Variants in ENTPD1 observed in about 807,000 individuals in gnomAD.
ENTPD1 encodes ATP diphosphohydrolase.
Under a neutral mutation model 57.0 loss-of-function variants are expected in ENTPD1, and 33 were observed. That is an observed-to-expected ratio of 0.58 (90% CI 0.44 to 0.77). The LOEUF is 0.77. Among genes scored for constraint, ENTPD1 ranks in the 30% least tolerant of loss-of-function variants. The pLI is 0.00. For synonymous variants in ENTPD1, 202 were observed against 218.8 expected, an observed-to-expected ratio of 0.92 and a Z score of 0.68; for missense variants, 501 against 603.4, an observed-to-expected ratio of 0.83 and a Z score of 1.78.
intron 1 of ENTPD1, chr10:95,756,459 G>A (rs2098024919): frequency 1.6e-6 from 1 of 629,438 alleles, no homozygotes; most frequent in African/African-American, 1.8e-5. Flanking sequence ...GCAGTCAAGG[G>A]TGGCTCTAGA....
chr10:95,825,301 A>G (rs2098370589), intron 2 of ENTPD1, among the ~76,000 whole-genome samples: 1 of 152,214 alleles, frequency 6.6e-6, no homozygotes, highest in Non-Finnish European at 1.5e-5. Flanking sequence ...ATAACTCTGA[A>G]GTCATTCAAA....
intron 2 of ENTPD1, among the ~76,000 whole-genome samples, chr10:95,826,884 G>A: frequency 6.6e-6 from 1 of 152,162 alleles, no homozygotes; most frequent in East Asian, 1.9e-4. Context: ...AATGTGGAAG[G>A]AGGGGGAGCC....
At chr10:95,760,350 C>CAA (rs2098051766) in intron 1 of ENTPD1, among the ~76,000 whole-genome samples, 1 of 152,204 alleles carries the variant, frequency 6.6e-6, no homozygotes, top group Non-Finnish European at 1.5e-5. Flanking sequence ...AAGATCTTTT[C>CAA]TCTCTTTTAC....
Position 95,869,211 on chromosome 10 carries a change from G to A in ENTPD1, c.*2828G>A. The A allele has an allele frequency of 3.1e-6, 3 of 959,964 alleles. No homozygotes were observed. The highest frequency in any genetic ancestry group is 3.7e-6 in the Non-Finnish European group (3 of 809,640). 59.5% of individuals were successfully genotyped at this position (959,964 alleles called of 1,614,324 possible). On this transcript the variant is annotated 3_prime_UTR_variant, in exon 10 of 10. Transcript: ENST00000371205. ...GGAGTTTTTTTTCTATGAACCTATA[G>A]GGGAGAAAAAAGATCAGCAGAAGTC...
chr10:95,756,001 A>G (rs997984328), upstream of ENTPD1: 34 of 1,464,440 alleles, frequency 2.3e-5, no homozygotes, highest in Middle Eastern at 5.0e-4. Context: ...GGCTTCGAGT[A>G]ACTTTAGGAA....
At chr10:95,697,902 C>G in the ENTPD1 span, among the ~76,000 whole-genome samples, 3 of 152,150 alleles carry the variant, frequency 2.0e-5, no homozygotes, top group African/African-American at 7.2e-5. Flanking sequence ...AATGGGGAAG[C>G]AGCTTTGGAA....
chr10:95,868,760 T>C lies in ENTPD1; in HGVS notation c.*2377T>C, dbSNP rs2098477117. On this transcript the variant is annotated 3_prime_UTR_variant, in exon 10 of 10. Transcript: ENST00000371205. ...TTTCTAAACACTTTCCCTCAGCAAG[T>C]TGGAATTAGACTTCACAAGTCTCCT... 1.0e-5 allele frequency: 10 copies of C among 985,432 alleles called. No individual in the cohort carries two copies. The highest frequency in any genetic ancestry group is 8.4e-6 in the Non-Finnish European group (7 of 829,934). The allele number at this position is 985,432 out of a possible 1,614,324, so 61.0% of individuals were successfully genotyped here. A position where few individuals can be genotyped will look rare whatever the true frequency, so the allele number is the denominator to read the frequency against.
intron 1 of ENTPD1, among the ~76,000 whole-genome samples, chr10:95,717,689 ACC>A (rs2097973059): frequency 6.6e-6 from 1 of 151,930 alleles, no homozygotes. Flanking sequence ...GTCTCTCAGT[ACC>A]CCCTCTCAAC....
chr10:95,844,743 G>A, intron 5 of ENTPD1, 108 bp downstream of exon 5: 3 of 1,223,492 alleles, frequency 2.5e-6, no homozygotes, highest in Non-Finnish European at 3.6e-6. Flanking sequence ...AATGATAGAT[G>A]GATGGATGGA....
At chr10:95,712,906 C>T (rs539457892) in intron 1 of ENTPD1, among the ~76,000 whole-genome samples, 12 of 152,150 alleles carry the variant, frequency 7.9e-5, no homozygotes, top group African/African-American at 2.7e-4. Context: ...TGGTGGCGGA[C>T]GCCTGTAGTC....
intron 2 of ENTPD1, among the ~76,000 whole-genome samples, chr10:95,829,552 A>G (rs1366501868): frequency 6.6e-6 from 1 of 152,252 alleles, no homozygotes; most frequent in Non-Finnish European, 1.5e-5. Flanking sequence ...AAATGGTCAC[A>G]AGAGGTATCT....
chr10:95,791,644 T>C lies in ENTPD1; in HGVS notation c.17-31593T>C, dbSNP rs1264386961. 6.6e-6 allele frequency among the ~76,000 whole-genome samples: 1 copy of C among 152,204 alleles called. No individual in the cohort carries two copies. The highest frequency in any genetic ancestry group is 1.5e-5 in the Non-Finnish European group (1 of 68,030). Reference sequence around the variant, plus strand: ...TTACTGCAGAGGGTAAATACCCATCTTTTAAACAGGATTACCACTTGGAAG... The same window carrying C: ...TTACTGCAGAGGGTAAATACCCATCCTTTAAACAGGATTACCACTTGGAAG... On this transcript the variant is annotated intron_variant, in intron 1 of 9. Coordinates refer to ENST00000371205, the MANE Select transcript of ENTPD1 (RefSeq NM_001776.6). The surrounding 1 kb of genome is among the most constrained non-coding windows in gnomAD (Gnocchi z 4.1).
At position 95,847,304 on chromosome 10, in the gene ENTPD1, G is replaced by T. The variant is rs189606772; in HGVS notation, c.814-142G>T. 5 of 945,294 alleles carry T rather than the reference G, an allele frequency of 5.3e-6. No homozygotes were observed. The African/African-American group carries it at 6.4e-5, about 12-fold the overall frequency. 58.6% of individuals were successfully genotyped at this position (945,294 alleles called of 1,614,324 possible). ...CCATTTTTCATATTTATTCCTAAGGGTAAAAAGGCAGGGCAGGACATATTG... is the reference window on the plus strand; with the variant it reads ...CCATTTTTCATATTTATTCCTAAGGTTAAAAAGGCAGGGCAGGACATATTG... On this transcript the variant is annotated intron_variant, in intron 6 of 9. Coordinates refer to ENST00000371205, the MANE Select transcript of ENTPD1 (RefSeq NM_001776.6).
At chr10:95,767,174 G>A (rs998253064) in intron 1 of ENTPD1, among the ~76,000 whole-genome samples, 35 of 151,478 alleles carry the variant, frequency 2.3e-4, no homozygotes, top group Non-Finnish European at 4.6e-4. Flanking sequence ...AAATTAGCCG[G>A]GCGTGGTGGT....
At chr10:95,694,734 C>T in the ENTPD1 span, among the ~76,000 whole-genome samples, 1 of 151,752 alleles carries the variant, frequency 6.6e-6, no homozygotes, top group African/African-American at 2.4e-5. Context: ...TTTGTTCTTC[C>T]CGGGAATGGC....
intron 1 of ENTPD1, among the ~76,000 whole-genome samples, chr10:95,809,667 C>T (rs1314977996): frequency 4.0e-5 from 6 of 148,476 alleles, no homozygotes; most frequent in African/African-American, 1.5e-4. Context: ...CTCCCCACCT[C>T]CCAGACGGGG....
At chr10:95,732,947 G>A (rs929451182) in intron 1 of ENTPD1, among the ~76,000 whole-genome samples, 1 of 152,190 alleles carries the variant, frequency 6.6e-6, no homozygotes, top group Admixed American at 6.5e-5. Flanking sequence ...AATTGCTAAT[G>A]AAGTTTCAGG....
chr10:95,800,413 G>A (rs568766348), intron 1 of ENTPD1, among the ~76,000 whole-genome samples: 228 of 152,250 alleles, frequency 1.5e-3, no homozygotes, highest in African/African-American at 5.2e-3. Flanking sequence ...TTACTGATGA[G>A]GGCCTATGTC....
At chr10:95,696,424 G>A in the ENTPD1 span, among the ~76,000 whole-genome samples, 457 of 152,206 alleles carry the variant, frequency 3.0e-3, no homozygotes, top group Non-Finnish European at 5.2e-3. Flanking sequence ...GGGACTACAG[G>A]TGTACCCACC....
Sources: gnomAD v4.1 joint callset for allele counts (sites outside exome capture counted in the v4.1 genomes callset) on GRCh38, gnomAD v4.1.1 for gene constraint, Gnocchi (gnomAD v3.1) non-coding constraint, MANE v1.5 for transcripts, NCBI Gene and HGNC (gene_info 2026-07-23, HGNC 2026-07-21) for gene names.